Variants in CPD observed in about 807,000 individuals in gnomAD.
CPD encodes metallocarboxypeptidase D.
Under a neutral mutation model 138.3 loss-of-function variants are expected in CPD, and 69 were observed. The observed-to-expected ratio is 0.50, with a 90% confidence interval of 0.41 to 0.61. The LOEUF (loss-of-function observed/expected upper bound fraction) is 0.61. Ranked by LOEUF, CPD falls within the 20% of genes least tolerant of loss-of-function variation. The probability of loss-of-function intolerance (pLI) is 0.00; values close to 1 mark genes in which losing one functional copy is unlikely to be tolerated. For missense variants in CPD, 1,432 were observed against 1,733.3 expected (o/e 0.83, Z 3.09); for synonymous variants, 651 against 642.1 (o/e 1.01, Z -0.21).
chr17:30,427,731 G>A (rs1273968553), intron 7 of CPD, among the ~76,000 whole-genome samples, 173 bp downstream of exon 7: 1 of 152,006 alleles, frequency 6.6e-6, no homozygotes, highest in East Asian at 1.9e-4. Flanking sequence ...CAGTGTCCTG[G>A]CTGTTTCTTT....
chr17:30,433,363 G>A (rs775161256), intron 8 of CPD, among the ~76,000 whole-genome samples: 5 of 151,830 alleles, frequency 3.3e-5, no homozygotes, highest in Admixed American at 6.6e-5. Context: ...TCTGCTTTTC[G>A]CCTTCATTTT....
rs552572722 is a variant in CPD, at chr17:30,457,321, C to A, written c.3498+795C>A. 1.1e-3 allele frequency among the ~76,000 whole-genome samples: 174 copies of A among 152,242 alleles called. 1 individual carries two copies. Among genetic ancestry groups the A allele is most frequent in the Non-Finnish European group, 1.9e-3 (127 of 68,002 alleles). On this transcript the variant is annotated intron_variant, in intron 17 of 20. Coordinates refer to ENST00000225719, the MANE Select transcript of CPD (RefSeq NM_001304.5). ...TTCATTTTTATGGCTGAATAATATT[C>A]TATTTATGTTTATACCACATTTTAT... is the stretch of plus-strand genomic sequence containing the variant.
At chr17:30,410,243 C>A (rs1320340408) in intron 2 of CPD, among the ~76,000 whole-genome samples, 1 of 152,036 alleles carries the variant, frequency 6.6e-6, no homozygotes, top group Non-Finnish European at 1.5e-5. Flanking sequence ...GATTTCTGTT[C>A]TTTTATATTT....
chr17:30,414,595 AAG>A (rs1216126145), intron 2 of CPD, among the ~76,000 whole-genome samples: 16 of 152,168 alleles, frequency 1.1e-4, no homozygotes, highest in Non-Finnish European at 1.9e-4. Context: ...AAAAAAAAAA[AAG>A]AGTGATTGCA....
intron 8 of CPD, among the ~76,000 whole-genome samples, chr17:30,436,511 A>C (rs1912705556): frequency 6.6e-6 from 1 of 152,254 alleles, no homozygotes. Flanking sequence ...CAATAAGCAC[A>C]TGAAAAGATG....
intron 2 of CPD, among the ~76,000 whole-genome samples, chr17:30,388,559 G>A (rs995466010): frequency 5.3e-5 from 8 of 152,218 alleles, no homozygotes; most frequent in Non-Finnish European, 1.0e-4. Flanking sequence ...ATCCCGGATA[G>A]GAGCAGACGC....
intron 2 of CPD, among the ~76,000 whole-genome samples, chr17:30,412,266 A>C (rs1281533147): frequency 6.6e-6 from 1 of 152,086 alleles, no homozygotes; most frequent in Non-Finnish European, 1.5e-5. Context: ...CCAGAGGGGC[A>C]CCTGCCTGTA....
At chr17:30,455,659 C>T (rs768095933) in intron 15 of CPD, 189 bp downstream of exon 15, 4 of 543,526 alleles carry the variant, frequency 7.4e-6, no homozygotes, top group Non-Finnish European at 1.2e-5. Context: ...CTAATGGTAG[C>T]CCAGCTTTAT....
At chr17:30,431,352 G>C (rs141791992) in intron 7 of CPD, among the ~76,000 whole-genome samples, 1 of 152,024 alleles carries the variant, frequency 6.6e-6, no homozygotes, top group Non-Finnish European at 1.5e-5. Flanking sequence ...TTTAAATACT[G>C]GACACTGGAC....
At chr17:30,429,707 T>A (rs1014657367) in intron 7 of CPD, among the ~76,000 whole-genome samples, 2 of 152,182 alleles carry the variant, frequency 1.3e-5, no homozygotes, top group Admixed American at 1.3e-4. Flanking sequence ...AGTGCTCTTA[T>A]AACAAAGGGT....
At chr17:30,390,665 A>C (rs990093133) in intron 2 of CPD, among the ~76,000 whole-genome samples, 1 of 152,190 alleles carries the variant, frequency 6.6e-6, no homozygotes, top group East Asian at 1.9e-4. Context: ...CTGGCCCAGC[A>C]TATCTAGCTG....
rs1166717523 is a variant in CPD, at chr17:30,379,368, C to G, written c.388C>G (p.Pro130Ala). ...DAAGPLLPGRPQVKLVGNMHG... is the reference protein window; with the variant it reads ...DAAGPLLPGRAQVKLVGNMHG... ...TGCGGGGCCGCTGCTGCCCGGCCGG[C>G]CCCAGGTGAAGCTGGTGGGCAACAT... Residue 130 changes from proline (P) to alanine (A), a missense_variant, in exon 1 of 21, where the codon CCC (proline) becomes GCC (alanine). Physicochemically the swap from Pro to Ala is conservative, Grantham distance 27. Transcript: ENST00000225719. This position sits in a 1 kb window ranked among gnomAD's most constrained non-coding sequence, Gnocchi z 7.0. 1.3e-6 allele frequency: 2 copies of G among 1,509,866 alleles called. No homozygotes were observed. Among genetic ancestry groups the G allele is most frequent in the East Asian group, 5.5e-5 (2 of 36,240 alleles). The allele number at this position is 1,509,866 out of a possible 1,614,324, so 93.5% of individuals were successfully genotyped here. A position where few individuals can be genotyped will look rare whatever the true frequency, so the allele number is the denominator to read the frequency against.
chr17:30,427,857 C>A (rs1329295921), intron 7 of CPD, among the ~76,000 whole-genome samples: 1 of 150,454 alleles, frequency 6.6e-6, no homozygotes, highest in Admixed American at 6.7e-5. Flanking sequence ...CCTTCTCTTA[C>A]CTCCTCTCCC....
At position 30,379,605 on chromosome 17, in the gene CPD, GACA is replaced by G; in HGVS notation, c.627_629del (p.Asn210del). 1 of 1,461,744 alleles carries G rather than the reference GACA, an allele frequency of 6.8e-7. No homozygotes were observed. The highest frequency in any genetic ancestry group is 8.9e-7 in the Non-Finnish European group (1 of 1,119,744). 90.5% of individuals were successfully genotyped at this position (1,461,744 alleles called of 1,614,324 possible). A position where few individuals can be genotyped will look rare whatever the true frequency, so the allele number is the denominator to read the frequency against. ...CGGCCCGTCCGGGGCCAGCGGCCGC[GACA>G]ATAGTCGCGGCCGCGACCTCAACCG... On this transcript the variant is annotated inframe_deletion, in exon 1 of 21. Transcript: ENST00000225719. The surrounding 1 kb of genome is among the most constrained non-coding windows in gnomAD (Gnocchi z 7.0).
At position 30,464,944 on chromosome 17, in the gene CPD, T is replaced by C. The variant is rs1350938078; in HGVS notation, c.*130T>C. 1 of 722,628 alleles carries C rather than the reference T, an allele frequency of 1.4e-6. No homozygotes were observed. Among genetic ancestry groups the C allele is most frequent in the African/African-American group, 1.8e-5 (1 of 56,284 alleles). The allele number at this position is 722,628 out of a possible 1,614,324, so 44.8% of individuals were successfully genotyped here. A position where few individuals can be genotyped will look rare whatever the true frequency, so the allele number is the denominator to read the frequency against. ...GCTTTGGGAAATTAAATTGCTAAATTTGTATTCTCTGTGAATTTCACTGGC... is the reference window on the plus strand; with the variant it reads ...GCTTTGGGAAATTAAATTGCTAAATCTGTATTCTCTGTGAATTTCACTGGC... On this transcript the variant is annotated 3_prime_UTR_variant, in exon 21 of 21. Transcript: ENST00000225719.
At chr17:30,389,665 A>G (rs1428905913) in intron 2 of CPD, among the ~76,000 whole-genome samples, 6 of 152,246 alleles carry the variant, frequency 3.9e-5, no homozygotes, top group Non-Finnish European at 8.8e-5. Flanking sequence ...GCCTCTACAA[A>G]ACGTAGGTGT....
chr17:30,388,380 C>T (rs963844306), intron 2 of CPD, among the ~76,000 whole-genome samples: 4 of 152,194 alleles, frequency 2.6e-5, no homozygotes, highest in Non-Finnish European at 4.4e-5. Flanking sequence ...CCCGGCTGCT[C>T]GTGCTAAGGG....
chr17:30,385,141 C>T lies in CPD; in HGVS notation c.899C>T (p.Pro300Leu). ...YLAKAYASNHPIMKTGEPHCP... is the reference protein window; with the variant it reads ...YLAKAYASNHLIMKTGEPHCP... ...GCAAAAGCTTATGCTTCAAACCACC[C>T]CATAATGAAAACTGGTGAGCCTCAT... Residue 300 changes from proline to leucine, a missense_variant, in exon 2 of 21, where the codon CCC becomes CTC. Transcript: ENST00000225719. 1.2e-6 allele frequency: 2 copies of T among 1,613,934 alleles called. No individual in the cohort carries two copies. Among genetic ancestry groups the T allele is most frequent in the Non-Finnish European group, 1.7e-6 (2 of 1,179,958 alleles).
chr17:30,384,504 A>G (rs1193341761), intron 1 of CPD, among the ~76,000 whole-genome samples: 1 of 152,134 alleles, frequency 6.6e-6, no homozygotes, highest in East Asian at 1.9e-4. Context: ...TTTTTAGGTC[A>G]AAAAAATGGG....
Sources: allele counts gnomAD v4.1 joint callset (sites outside exome capture counted in the v4.1 genomes callset), GRCh38; gene constraint gnomAD v4.1.1; non-coding constraint Gnocchi (gnomAD v3.1); transcripts MANE v1.5; gene names NCBI Gene and HGNC (gene_info 2026-07-23, HGNC 2026-07-21).